The following ZFAND3 variants were observed in gnomAD, a reference collection of about 807,000 sequenced individuals.
ZFAND3 encodes zinc finger AN1-type containing 3, also known as AN1-type zinc finger protein 3.
ZFAND3 carries 10 observed loss-of-function variants against 29.6 expected under a neutral mutation model. That is an observed-to-expected ratio of 0.34 (90% CI 0.21 to 0.57). The LOEUF is 0.57. Among genes scored for constraint, ZFAND3 ranks in the 20% least tolerant of loss-of-function variants. The pLI is 0.86. For synonymous variants in ZFAND3, 128 were observed against 112.6 expected, an observed-to-expected ratio of 1.14 and a Z score of -0.87; for missense variants, 230 against 304.5, an observed-to-expected ratio of 0.76 and a Z score of 1.82.
intron 5 of ZFAND3, among the ~76,000 whole-genome samples, chr6:38,126,546 C>T (rs1002088407): frequency 3.3e-5 from 5 of 152,154 alleles, no homozygotes; most frequent in Admixed American, 6.5e-5. Flanking sequence ...TTCCTGTTCT[C>T]GCCAACATTT....
At chr6:38,096,967 G>A (rs1028863925) in intron 4 of ZFAND3, among the ~76,000 whole-genome samples, 4 of 152,062 alleles carry the variant, frequency 2.6e-5, no homozygotes, top group African/African-American at 7.2e-5. Flanking sequence ...CCTTGAGACC[G>A]GGTTTTCTGT....
intron 2 of ZFAND3, among the ~76,000 whole-genome samples, chr6:37,945,270 T>G (rs1038811713): frequency 4.6e-5 from 7 of 152,224 alleles, no homozygotes; most frequent in African/African-American, 1.7e-4. Flanking sequence ...GAATTTTCTT[T>G]TCCCCTTCAA....
intron 1 of ZFAND3, among the ~76,000 whole-genome samples, chr6:37,829,712 C>T (rs1352696815): frequency 6.6e-6 from 1 of 152,204 alleles, no homozygotes; most frequent in Admixed American, 6.5e-5. Context: ...AACTAGCTCA[C>T]CCTGTTCCCC....
At chr6:37,846,225 T>G (rs1220014394) in intron 1 of ZFAND3, among the ~76,000 whole-genome samples, 1 of 152,250 alleles carries the variant, frequency 6.6e-6, no homozygotes, top group African/African-American at 2.4e-5. Context: ...TATGCTTTGC[T>G]TAAATGTATT....
intron 4 of ZFAND3, among the ~76,000 whole-genome samples, chr6:38,084,503 T>G (rs1212230913): frequency 6.6e-6 from 1 of 152,158 alleles, no homozygotes; most frequent in Non-Finnish European, 1.5e-5. Flanking sequence ...GAGCACCCAT[T>G]AGATGGTGTT....
In ZFAND3 at chr6:37,918,177, C is replaced by T. The variant is rs1433528736; in HGVS notation, c.72-11782C>T. Reference sequence around the variant, plus strand: ...CTGCAAGCTCTGCCTCACGGGTTCACGTCATTCTCTTGCCTCAGCCTCGCA... The same window carrying T: ...CTGCAAGCTCTGCCTCACGGGTTCATGTCATTCTCTTGCCTCAGCCTCGCA... On this transcript the variant is annotated intron_variant, in intron 1 of 5. Transcript: ENST00000287218. Among the ~76,000 whole-genome samples the T allele has an allele frequency of 3.3e-5, 5 of 152,082 alleles. No individual in the cohort carries two copies. In the South Asian group the frequency reaches 8.3e-4, roughly 25 times the overall value.
At chr6:38,008,012 A>T (rs1424344305) in intron 2 of ZFAND3, among the ~76,000 whole-genome samples, 1 of 152,164 alleles carries the variant, frequency 6.6e-6, no homozygotes, top group Non-Finnish European at 1.5e-5. Flanking sequence ...CTCACCCCAG[A>T]CCTGCTGGAT....
intron 2 of ZFAND3, among the ~76,000 whole-genome samples, chr6:37,958,886 A>G (rs977167560): frequency 6.6e-6 from 1 of 152,208 alleles, no homozygotes; most frequent in African/African-American, 2.4e-5. Context: ...CTTTAAGATG[A>G]CTGGCCCCCA....
At chr6:37,972,981 AACT>A (rs1251360591) in intron 2 of ZFAND3, among the ~76,000 whole-genome samples, 1 of 152,134 alleles carries the variant, frequency 6.6e-6, no homozygotes, top group African/African-American at 2.4e-5. Context: ...TTTTGAAAAA[AACT>A]TTGCACTTAC....
At chr6:38,052,031 T>A (rs915570808) in intron 2 of ZFAND3, among the ~76,000 whole-genome samples, 1 of 152,208 alleles carries the variant, frequency 6.6e-6, no homozygotes, top group Non-Finnish European at 1.5e-5. Flanking sequence ...TCTATAGGTG[T>A]GAAGAATCTA....
intron 1 of ZFAND3, among the ~76,000 whole-genome samples, chr6:37,837,636 C>T (rs1480777596): frequency 6.6e-6 from 1 of 152,004 alleles, no homozygotes; most frequent in East Asian, 1.9e-4. Flanking sequence ...TCCCGAGCAG[C>T]TGGGATTACA....
intron 2 of ZFAND3, among the ~76,000 whole-genome samples, chr6:38,021,181 G>A (rs961322675): frequency 6.6e-6 from 1 of 152,074 alleles, no homozygotes; most frequent in Non-Finnish European, 1.5e-5. Flanking sequence ...GCACCCTGCT[G>A]AGCTTTACAA....
intron 2 of ZFAND3, among the ~76,000 whole-genome samples, chr6:37,960,651 G>T (rs998126168): frequency 6.6e-6 from 1 of 152,194 alleles, no homozygotes; most frequent in Non-Finnish European, 1.5e-5. Flanking sequence ...TTTAGAAAAT[G>T]TTGCTGTATT....
chr6:37,947,814 G>A (rs1028262167), intron 2 of ZFAND3, among the ~76,000 whole-genome samples: 1 of 151,934 alleles, frequency 6.6e-6, no homozygotes, highest in Non-Finnish European at 1.5e-5. Flanking sequence ...CATATTTGTA[G>A]TGAAGTTTTG....
Position 38,002,500 on chromosome 6 carries a change from G to GA in ZFAND3, c.113-59090dup, listed in dbSNP as rs1404854749. 7.9e-5 allele frequency among the ~76,000 whole-genome samples: 12 copies of GA among 151,870 alleles called. No individual in the cohort carries two copies. In the East Asian group the frequency reaches 1.5e-3, roughly 20 times the overall value. On this transcript the variant is annotated intron_variant, in intron 2 of 5. Coordinates refer to ENST00000287218, the MANE Select transcript of ZFAND3 (RefSeq NM_021943.3). ...CCGAGACAAGGCTAGGCAATATGGT[G>GA]AAATCCCGTCTCTACAAAAAATCCA...
intron 1 of ZFAND3, among the ~76,000 whole-genome samples, chr6:37,921,699 G>C (rs1432297124): frequency 6.6e-6 from 1 of 151,904 alleles, no homozygotes; most frequent in East Asian, 1.9e-4. Context: ...AAAAAATTTA[G>C]AAGAAACATT....
At chr6:38,143,971 CT>C (rs1766014956) in intron 5 of ZFAND3, among the ~76,000 whole-genome samples, 1 of 151,764 alleles carries the variant, frequency 6.6e-6, no homozygotes, top group Non-Finnish European at 1.5e-5. Flanking sequence ...CATTTCTGTG[CT>C]ACAAATTCTG....
At chr6:38,071,388 T>C (rs1056997367) in intron 3 of ZFAND3, among the ~76,000 whole-genome samples, 1 of 152,090 alleles carries the variant, frequency 6.6e-6, no homozygotes, top group Admixed American at 6.5e-5. Context: ...GAATTTATTT[T>C]GTATTTAAGG....
In ZFAND3 at chr6:38,045,820, A is replaced by G. The variant is rs568145467; in HGVS notation, c.113-15773A>G. ...ATGAGGAATTTGAACACAGAAATCC[A>G]TATATAAACATCTATATAATCATTA... On this transcript the variant is annotated intron_variant, in intron 2 of 5. Coordinates refer to ENST00000287218, the MANE Select transcript of ZFAND3 (RefSeq NM_021943.3). 3.3e-5 allele frequency among the ~76,000 whole-genome samples: 5 copies of G among 152,378 alleles called. No individual in the cohort carries two copies. In the South Asian group the frequency reaches 1.0e-3, roughly 32 times the overall value.
Sources: gnomAD v4.1 joint callset for allele counts (sites outside exome capture counted in the v4.1 genomes callset) on GRCh38, gnomAD v4.1.1 for gene constraint, MANE v1.5 for transcripts, NCBI Gene and HGNC (gene_info 2026-07-23, HGNC 2026-07-21) for gene names.